The following ADH1C variants were observed in gnomAD, a reference collection of about 807,000 sequenced individuals.
The protein encoded by ADH1C is alcohol dehydrogenase 1C (class I), gamma polypeptide.
In ADH1C, 26 loss-of-function variants were observed where a neutral mutation model predicts 35.0. The ratio of observed to expected loss-of-function variants is 0.74; its 90% CI spans 0.54 to 1.03. The LOEUF is 1.03. Among genes scored for constraint, ADH1C ranks in the 50% least tolerant of loss-of-function variants. The pLI is 0.00. For missense variants in ADH1C, 413 were observed against 465.4 expected (o/e 0.89, Z 1.04); for synonymous variants, 170 against 169.3 (o/e 1.00, Z -0.03).
At chr4:99,343,113 G>C in intron 5 of ADH1C, 58 bp from the exon 6 acceptor site, 1 of 1,584,084 alleles carries the variant, frequency 6.3e-7, no homozygotes, top group Non-Finnish European at 8.6e-7. Context: ...AATTGCTTAA[G>C]CTTTATAAAG....
At chr4:99,348,939 C>G (rs1201091225) in intron 1 of ADH1C, among the ~76,000 whole-genome samples, 3 of 148,352 alleles carry the variant, frequency 2.0e-5, no homozygotes, top group South Asian at 2.2e-4. Flanking sequence ...TGAGAAGTGT[C>G]TGTTCATGTC....
At chr4:99,339,505 A>G (rs1734360823) in intron 8 of ADH1C, 72 bp downstream of exon 8, 7 of 1,135,740 alleles carry the variant, frequency 6.2e-6, no homozygotes, top group Non-Finnish European at 6.9e-6. Flanking sequence ...ATTCTCTGCT[A>G]GACAACGCCC....
chr4:99,343,102 A>G (rs745661717), intron 5 of ADH1C, 47 bp from the exon 6 acceptor site: 1 of 1,597,036 alleles, frequency 6.3e-7, no homozygotes, highest in Non-Finnish European at 8.5e-7. Flanking sequence ...TGTTTGTTAG[A>G]AATTGCTTAA....
At chr4:99,342,592 A>G (rs985866481) in intron 6 of ADH1C, among the ~76,000 whole-genome samples, 2 of 152,338 alleles carry the variant, frequency 1.3e-5, no homozygotes, top group Non-Finnish European at 2.9e-5. Flanking sequence ...TCGAGGAAAT[A>G]TGACTTGAGA....
Position 99,345,173 on chromosome 4 carries a change from A to G in ADH1C, c.347+6T>C, listed in dbSNP as rs1693426. The G allele has an allele frequency of 0.38, 613,187 of 1,611,602 alleles. 124,409 individuals carry two copies. The highest frequency in any genetic ancestry group is 0.41 in the Non-Finnish European group (486,877 of 1,178,108). On this transcript the variant is annotated splice_donor_region_variant and intron_variant, in intron 4 of 8. Transcript: ENST00000515683. ...AGTCTGTGCAAAGAAAGCATCAGAA[A>G]CTTACTCATTTTTCAAGCAGTAGTT...
intron 8 of ADH1C, among the ~76,000 whole-genome samples, chr4:99,337,969 T>C (rs3846449): frequency 0.31 from 47,117 of 151,766 alleles, 8,923 homozygotes; most frequent in East Asian, 0.75. Flanking sequence ...TAAATAAACA[T>C]GCTTAAACAT....
intron 6 of ADH1C, among the ~76,000 whole-genome samples, chr4:99,342,073 A>T (rs947594517): frequency 3.9e-5 from 6 of 152,160 alleles, no homozygotes; most frequent in Non-Finnish European, 5.9e-5. Flanking sequence ...GCTGACATTT[A>T]TTGGAAGCTA....
At position 99,344,988 on chromosome 4, in the gene ADH1C, G is replaced by A; in HGVS notation, c.441C>T (p.Phe147=). ...PIHHFVGVST[F]SQYTVVDENA... is the part of the protein sequence containing the mutation. Reference sequence around the variant, plus strand: ...TCTCATCCACCACTGTGTACTGGGAGAAGGTGCTGACGCCGACGAAGTGGT... The same window carrying A: ...TCTCATCCACCACTGTGTACTGGGAAAAGGTGCTGACGCCGACGAAGTGGT... The change falls in exon 5 of 9, where the codon TTC becomes TTT. Residue 147 remains phenylalanine, a synonymous_variant. Coordinates refer to ENST00000515683, the MANE Select transcript of ADH1C (RefSeq NM_000669.5). The A allele has an allele frequency of 6.2e-7, 1 of 1,614,198 alleles. No individual in the cohort carries two copies. The highest frequency in any genetic ancestry group is 1.1e-5 in the South Asian group (1 of 91,078).
chr4:99,347,866 G>T lies in ADH1C; in HGVS notation c.19-20C>A. On this transcript the variant is annotated intron_variant, in intron 1 of 8. Transcript: ENST00000515683. ...GATTACCTAGAACATCAGACAGAGA[G>T]ATGGTACCAGTGTTTTCCCACGCTT... The T allele has an allele frequency of 1.2e-6, 2 of 1,612,804 alleles. No individual in the cohort carries two copies. The highest frequency in any genetic ancestry group is 1.7e-6 in the Non-Finnish European group (2 of 1,179,156).
At chr4:99,346,366 C>T (rs1231903707) in intron 3 of ADH1C, among the ~76,000 whole-genome samples, 3 of 152,074 alleles carry the variant, frequency 2.0e-5, no homozygotes, top group Non-Finnish European at 4.4e-5. Flanking sequence ...AATCCATAAT[C>T]AGTCACATTT....
Position 99,336,645 on chromosome 4 carries a change from T to A in ADH1C, c.*107A>T. 1 of 1,378,046 alleles carries A rather than the reference T, an allele frequency of 7.3e-7. No homozygotes were observed. The highest frequency in any genetic ancestry group is 1.2e-5 in the South Asian group (1 of 80,478). The allele number at this position is 1,378,046 out of a possible 1,614,324, so 85.4% of individuals were successfully genotyped here. ...GAAAGCTCCCACGTGTAATTTATTTTTAACATCTCTGAAGAGCAGAATTAA... is the reference window on the plus strand; with the variant it reads ...GAAAGCTCCCACGTGTAATTTATTTATAACATCTCTGAAGAGCAGAATTAA... On this transcript the variant is annotated 3_prime_UTR_variant, in exon 9 of 9. Transcript: ENST00000515683.
chr4:99,346,006 C>A (rs1734522033), intron 3 of ADH1C, among the ~76,000 whole-genome samples: 1 of 151,958 alleles, frequency 6.6e-6, no homozygotes, highest in Non-Finnish European at 1.5e-5. Flanking sequence ...ATAAGGCAGT[C>A]GTTTTGATAT....
Position 99,340,634 on chromosome 4 carries a change from A to G in ADH1C, c.905T>C (p.Leu302Pro). The change falls in exon 7 of 9, where the codon CTC (leucine) becomes CCC (proline). Residue 302 changes from leucine (L) to proline (P), a missense_variant. Leu to Pro is a moderately conservative substitution (Grantham distance 98, BLOSUM62 -3). Transcript: ENST00000515683. ...CAGTAGCAGCATAGGGTTTATTGAG[A>G]GGTTCTGGGAATCAGGAGGTACCCC... ...IVGVPPDSQN[L>P]SINPMLLLTG... 1 of 1,613,868 alleles carries G rather than the reference A, an allele frequency of 6.2e-7. No homozygotes were observed. Among genetic ancestry groups the G allele is most frequent in the East Asian group, 2.2e-5 (1 of 44,876 alleles).
chr4:99,344,580 T>G (rs757212672), intron 5 of ADH1C, among the ~76,000 whole-genome samples: 1 of 152,220 alleles, frequency 6.6e-6, no homozygotes. Flanking sequence ...AATTACAACA[T>G]GAATTAGTTC....
rs906416524 is a variant in ADH1C at position 99,339,883 on chromosome 4, C to A, written c.965-168G>T. On this transcript the variant is annotated intron_variant, in intron 7 of 8. Transcript: ENST00000515683. ...TCAATATGCTTTTACAGTGCTTTCA[C>A]AAAAAAAATCACAGATAAACAAGGG... Among the ~76,000 whole-genome samples the A allele has an allele frequency of 1.3e-3, 202 of 151,880 alleles. 1 individual carries two copies. Among genetic ancestry groups the A allele is most frequent in the African/African-American group, 4.4e-3 (181 of 41,426 alleles).
intron 1 of ADH1C, among the ~76,000 whole-genome samples, chr4:99,349,661 C>CTG (rs35081954): frequency 0.31 from 47,413 of 152,012 alleles, 8,820 homozygotes; most frequent in Non-Finnish European, 0.41. Context: ...CTCTCCACTT[C>CTG]TGTGTTACTT....
chr4:99,342,300 C>G (rs1734434776), intron 6 of ADH1C, among the ~76,000 whole-genome samples: 1 of 152,130 alleles, frequency 6.6e-6, no homozygotes, highest in South Asian at 2.1e-4. Flanking sequence ...AAAGCAGTCA[C>G]TTTCCTTAGG....
intron 8 of ADH1C, among the ~76,000 whole-genome samples, chr4:99,338,073 A>C (rs962113458): frequency 1.3e-5 from 2 of 151,790 alleles, no homozygotes; most frequent in East Asian, 1.9e-4. Context: ...GAGGTTTCTG[A>C]TACAAATTAC....
intron 1 of ADH1C, among the ~76,000 whole-genome samples, chr4:99,350,297 G>T (rs1376390451): frequency 6.6e-6 from 1 of 151,866 alleles, no homozygotes; most frequent in Non-Finnish European, 1.5e-5. Flanking sequence ...AATAGTTTTT[G>T]GGGTGCAGGT....
Sources: gnomAD v4.1 joint callset for allele counts (sites outside exome capture counted in the v4.1 genomes callset) on GRCh38, gnomAD v4.1.1 for gene constraint, MANE v1.5 for transcripts, NCBI Gene and HGNC (gene_info 2026-07-23, HGNC 2026-07-21) for gene names.